The following RAB31 variants were observed in gnomAD, a reference collection of about 807,000 sequenced individuals.
RAB31 encodes the protein ras-related protein Rab-31.
A neutral mutation model predicts 25.6 loss-of-function variants in RAB31; 21 were observed. The ratio of observed to expected loss-of-function variants is 0.82; its 90% CI spans 0.58 to 1.18. RAB31 has a LOEUF of 1.18. Ranked by LOEUF, RAB31 falls within the 50% of genes most tolerant of loss-of-function variation. The pLI is 0.00. For synonymous variants in RAB31, 87 were observed against 84.0 expected, an observed-to-expected ratio of 1.04 and a Z score of -0.20; for missense variants, 196 against 250.1, an observed-to-expected ratio of 0.78 and a Z score of 1.46.
At position 9,796,903 on chromosome 18, in the gene RAB31, ATATT is replaced by A. The variant is rs201848714; in HGVS notation, c.201+4669_201+4672del. Reference sequence around the variant, plus strand: ...AAAGACCTTCAGAATGCTAAAGTAAATATTAATTAAAGTTATATTAAATATTTAA... The same window carrying A: ...AAAGACCTTCAGAATGCTAAAGTAAAAATTAAAGTTATATTAAATATTTAA... On this transcript the variant is annotated intron_variant, in intron 3 of 6. Transcript: ENST00000578921. 5.8e-3 allele frequency among the ~76,000 whole-genome samples: 877 copies of A among 152,264 alleles called. 8 individuals are homozygous for A. The highest frequency in any genetic ancestry group is 0.02 in the African/African-American group (833 of 41,580).
intron 5 of RAB31, among the ~76,000 whole-genome samples, chr18:9,831,650 TGACC>T (rs1259351510): frequency 1.3e-5 from 2 of 152,238 alleles, no homozygotes; most frequent in Non-Finnish European, 2.9e-5. Flanking sequence ...GGCCCTGCTT[TGACC>T]CTCTAGCTAT....
chr18:9,804,233 T>G (rs1310243532), intron 3 of RAB31, among the ~76,000 whole-genome samples: 2 of 152,218 alleles, frequency 1.3e-5, no homozygotes, highest in Non-Finnish European at 2.9e-5. Context: ...TGTCCCCTTC[T>G]TCCATATGCC....
chr18:9,773,706 C>T (rs192715971), intron 1 of RAB31, among the ~76,000 whole-genome samples: 1 of 152,168 alleles, frequency 6.6e-6, no homozygotes, highest in Admixed American at 6.5e-5. Context: ...GTCACCCAGG[C>T]TGAGTGCAGT....
At position 9,775,263 on chromosome 18, in the gene RAB31, C is replaced by A. The variant is rs1290566370; in HGVS notation, c.40-15C>A. The A allele has an allele frequency of 6.2e-7, 1 of 1,613,748 alleles. No individual in the cohort carries two copies. Among genetic ancestry groups the A allele is most frequent in the African/African-American group, 1.3e-5 (1 of 75,040 alleles). On this transcript the variant is annotated splice_polypyrimidine_tract_variant and intron_variant, in intron 1 of 6. Transcript: ENST00000578921. ...CGCCCTTCATCTTCACGGTTGTATCCTCATTCTTTCCTAGGACACTGGGGT... is the reference window on the plus strand; with the variant it reads ...CGCCCTTCATCTTCACGGTTGTATCATCATTCTTTCCTAGGACACTGGGGT...
rs184257977 is a variant in RAB31 at position 9,839,703 on chromosome 18, G to A, written c.381-5879G>A. Among the ~76,000 whole-genome samples, 16 of 152,262 alleles carry A rather than the reference G, an allele frequency of 1.1e-4. No individual in the cohort carries two copies. The East Asian group carries it at 2.9e-3, about 28-fold the overall frequency. On this transcript the variant is annotated intron_variant, in intron 5 of 6. Coordinates refer to ENST00000578921, the MANE Select transcript of RAB31 (RefSeq NM_006868.4). Reference sequence around the variant, plus strand: ...TGAGCAGCAGCTAGCTAGCTCAAGGGGGAGATGTGTCCAGACGTGGAAGAG... The same window carrying A: ...TGAGCAGCAGCTAGCTAGCTCAAGGAGGAGATGTGTCCAGACGTGGAAGAG...
At chr18:9,857,033 T>A (rs1337887716) in intron 6 of RAB31, among the ~76,000 whole-genome samples, 1 of 152,194 alleles carries the variant, frequency 6.6e-6, no homozygotes. Flanking sequence ...AAATTCATAC[T>A]TATGGTCTCC....
intron 5 of RAB31, among the ~76,000 whole-genome samples, chr18:9,826,544 A>G (rs988168934): frequency 6.6e-6 from 1 of 152,092 alleles, no homozygotes; most frequent in Non-Finnish European, 1.5e-5. Context: ...AGGAGAAGAG[A>G]TGTGATTGGG....
chr18:9,830,585 T>A (rs1568190618), intron 5 of RAB31: 1 of 152,226 alleles, frequency 6.6e-6, no homozygotes, highest in Non-Finnish European at 1.5e-5. Context: ...TGCCTCAGCC[T>A]CCTGAGTAGC....
intron 1 of RAB31, among the ~76,000 whole-genome samples, chr18:9,767,496 T>C (rs2068322098): frequency 1.3e-5 from 2 of 152,218 alleles, no homozygotes; most frequent in Non-Finnish European, 2.9e-5. Context: ...GTATGGTGGA[T>C]GTCGTGAAGA....
At chr18:9,732,030 A>G (rs1280817080) in intron 1 of RAB31, among the ~76,000 whole-genome samples, 4 of 152,212 alleles carry the variant, frequency 2.6e-5, no homozygotes, top group African/African-American at 7.2e-5. Context: ...ATATATTTAC[A>G]TGCGCAGAGG....
At chr18:9,734,430 A>G (rs895584039) in intron 1 of RAB31, among the ~76,000 whole-genome samples, 1 of 152,194 alleles carries the variant, frequency 6.6e-6, no homozygotes, top group Non-Finnish European at 1.5e-5. Context: ...GAAGCGTTAC[A>G]TACCTAACGA....
chr18:9,786,448 G>T (rs1195341846), intron 2 of RAB31, among the ~76,000 whole-genome samples: 1 of 152,226 alleles, frequency 6.6e-6, no homozygotes, highest in Non-Finnish European at 1.5e-5. Flanking sequence ...AGGGGTTGGT[G>T]GGAACCCCAA....
intron 1 of RAB31, among the ~76,000 whole-genome samples, chr18:9,716,291 G>A (rs2068044083): frequency 1.3e-5 from 2 of 152,080 alleles, no homozygotes; most frequent in Non-Finnish European, 2.9e-5. Flanking sequence ...TACAACGCAG[G>A]CGATCTCGAG....
intron 1 of RAB31, among the ~76,000 whole-genome samples, chr18:9,772,789 C>A (rs950633210): frequency 6.6e-6 from 1 of 152,044 alleles, no homozygotes; most frequent in Non-Finnish European, 1.5e-5. Flanking sequence ...TCTTCAAGGG[C>A]AGGGCAGGGC....
At position 9,809,929 on chromosome 18, in the gene RAB31, A is replaced by G. The variant is rs527984906; in HGVS notation, c.202-4091A>G. ...CCAGCTGCGGGCAGGGTTAATGTCC[A>G]TCTGCGAAAGCTGAGCAGCCGGAGA... On this transcript the variant is annotated intron_variant, in intron 3 of 6. Transcript: ENST00000578921. 7.9e-5 allele frequency among the ~76,000 whole-genome samples: 12 copies of G among 152,336 alleles called. No individual in the cohort carries two copies. The South Asian group carries it at 2.3e-3, about 29-fold the overall frequency.
rs749508288 is a variant in RAB31, at chr18:9,860,676, A to G, written c.*1351A>G. 2.6e-5 allele frequency: 4 copies of G among 152,192 alleles called. No homozygotes were observed. Among genetic ancestry groups the G allele is most frequent in the Non-Finnish European group, 5.9e-5 (4 of 68,044 alleles). The allele number at this position is 152,192 out of a possible 1,614,324, so 9.4% of individuals were successfully genotyped here. On this transcript the variant is annotated 3_prime_UTR_variant, in exon 7 of 7. Coordinates refer to ENST00000578921, the MANE Select transcript of RAB31 (RefSeq NM_006868.4). ...GGGGTGATTCTTAAAGGACATTAGG[A>G]TTGGTGCTCAGAAATGGTTAATCAT...
intron 1 of RAB31, among the ~76,000 whole-genome samples, chr18:9,771,893 G>C (rs979602902): frequency 1.3e-5 from 2 of 152,210 alleles, no homozygotes; most frequent in African/African-American, 2.4e-5. Flanking sequence ...AAAGAGGTGA[G>C]AGTTAAAATG....
intron 3 of RAB31, among the ~76,000 whole-genome samples, chr18:9,800,144 G>A (rs1050557673): frequency 9.2e-5 from 14 of 152,168 alleles, no homozygotes; most frequent in Non-Finnish European, 2.1e-4. Flanking sequence ...CACATAGAGT[G>A]GCTTTTAGCG....
chr18:9,846,142 G>C (rs999982321), intron 6 of RAB31, among the ~76,000 whole-genome samples: 3 of 152,180 alleles, frequency 2.0e-5, no homozygotes, highest in African/African-American at 7.2e-5. Flanking sequence ...TGTTTGACCT[G>C]AAATTGGGAA....
Sources: gnomAD v4.1 joint callset for allele counts (sites outside exome capture counted in the v4.1 genomes callset) on GRCh38, gnomAD v4.1.1 for gene constraint, MANE v1.5 for transcripts, NCBI Gene and HGNC (gene_info 2026-07-23, HGNC 2026-07-21) for gene names.